The following UBAP2 variants were observed in gnomAD, a reference collection of about 807,000 sequenced individuals.
UBAP2 encodes ubiquitin associated protein 2.
In UBAP2, 75 loss-of-function variants were observed where a neutral mutation model predicts 139.6. That is an observed-to-expected ratio of 0.54 (90% confidence interval 0.45 to 0.65). The LOEUF is 0.65. UBAP2 is among the 30% of genes least tolerant of loss of function. The pLI is 0.00. For missense variants in UBAP2, 1,368 were observed against 1,369.6 expected, an observed-to-expected ratio of 1.00 and a Z score of 0.02; for synonymous variants, 526 against 526.2, an observed-to-expected ratio of 1.00 and a Z score of 0.01.
intron 22 of UBAP2, 151 bp from the exon 23 acceptor site, chr9:33,924,435 C>G (rs1274700432): frequency 1.3e-6 from 1 of 755,938 alleles, no homozygotes; most frequent in African/African-American, 1.7e-5. Flanking sequence ...GTAAATGGTG[C>G]CCCTCGGAAG....
At chr9:33,989,898 A>G (rs1377620015) in intron 4 of UBAP2, among the ~76,000 whole-genome samples, 24 of 152,222 alleles carry the variant, frequency 1.6e-4, no homozygotes, top group Admixed American at 1.6e-3. Context: ...TTAATGGCAG[A>G]TAAGTAAAAT....
chr9:33,945,543 C>T (rs1825596061), intron 13 of UBAP2, among the ~76,000 whole-genome samples: 1 of 152,014 alleles, frequency 6.6e-6, no homozygotes, highest in Non-Finnish European at 1.5e-5. Flanking sequence ...ATATGTATGA[C>T]GAATATTATG....
chr9:34,023,118 C>G (rs553974888), intron 1 of UBAP2, among the ~76,000 whole-genome samples: 3 of 150,850 alleles, frequency 2.0e-5, no homozygotes, highest in African/African-American at 7.3e-5. Flanking sequence ...CCCAGCTACT[C>G]GGGAGGCTGA....
intron 1 of UBAP2, among the ~76,000 whole-genome samples, chr9:34,036,576 T>A (rs895214555): frequency 6.6e-6 from 1 of 152,190 alleles, no homozygotes; most frequent in African/African-American, 2.4e-5. Context: ...ACTGTGTGTG[T>A]CTGCTCACCA....
In UBAP2 at chr9:33,943,604, C is replaced by T; in HGVS notation, c.1546-15G>A. 6.2e-7 allele frequency: 1 copy of T among 1,613,680 alleles called. No individual in the cohort carries two copies. The highest frequency in any genetic ancestry group is 8.5e-7 in the Non-Finnish European group (1 of 1,179,790). On this transcript the variant is annotated splice_polypyrimidine_tract_variant and intron_variant, in intron 14 of 28. Coordinates refer to ENST00000379238, the MANE Select transcript of UBAP2 (RefSeq NM_001370062.2). The stretch of plus-strand genomic sequence containing the variant: ...GAAGCTGGGATCTGAAAAAGCAAAG[C>T]TGTCGTGTCAGGAACAGAGGTCACA...
At chr9:33,984,705 G>T (rs1164496812) in intron 6 of UBAP2, among the ~76,000 whole-genome samples, 1 of 151,144 alleles carries the variant, frequency 6.6e-6, no homozygotes, top group African/African-American at 2.4e-5. Context: ...AGTAGACAAA[G>T]GATCTAAAAA....
At chr9:33,926,488 TAG>T in intron 22 of UBAP2, 127 bp downstream of exon 22, 1 of 980,464 alleles carries the variant, frequency 1.0e-6, no homozygotes, top group Non-Finnish European at 1.6e-6. Flanking sequence ...GCTTTCTCAG[TAG>T]TGGTGCTGAG....
Position 33,963,725 on chromosome 9 carries a change from C to T in UBAP2, c.745+1G>A. The T allele has an allele frequency of 2.5e-6, 4 of 1,595,886 alleles. No individual in the cohort carries two copies. Among genetic ancestry groups the T allele is most frequent in the Non-Finnish European group, 3.4e-6 (4 of 1,164,500 alleles). ...AAAATTAAAAAATTAAGTATTCATACCTTTGAGTCCATAAGAACTTTTGTT... is the reference window on the plus strand; with the variant it reads ...AAAATTAAAAAATTAAGTATTCATATCTTTGAGTCCATAAGAACTTTTGTT... On this transcript the variant is annotated splice_donor_variant, in intron 9 of 28. Transcript: ENST00000379238. LOFTEE classifies it high-confidence loss of function.
chr9:33,943,490 CAG>C lies in UBAP2; in HGVS notation c.1643_1644del (p.Ser548Ter), dbSNP rs1730454711. The part of the protein sequence containing the change: ...ALEFGSEPSL[S>X]EFGSAPSSEN... ...TCACTGCTTGGAGCTGATCCAAATT[CAG>C]AGAGAGAAGGTTCTGACCCAAATTC... On this transcript the variant is annotated frameshift_variant, in exon 15 of 29. Coordinates refer to ENST00000379238, the MANE Select transcript of UBAP2 (RefSeq NM_001370062.2). LOFTEE classifies it high-confidence loss of function. 6.2e-7 allele frequency: 1 copy of C among 1,614,044 alleles called. No homozygotes were observed. The highest frequency in any genetic ancestry group is 1.1e-5 in the South Asian group (1 of 91,084).
chr9:33,928,481 T>G (rs1300565706), intron 19 of UBAP2: 1 of 154,124 alleles, frequency 6.5e-6, no homozygotes, highest in African/African-American at 2.4e-5. Flanking sequence ...TCAGCCACTG[T>G]GGTCTGGAAA....
intron 11 of UBAP2, among the ~76,000 whole-genome samples, chr9:33,954,502 T>A (rs1826387110): frequency 6.6e-6 from 1 of 152,128 alleles, no homozygotes; most frequent in Non-Finnish European, 1.5e-5. Flanking sequence ...TGCACCGTAT[T>A]ACCTAACCTT....
At chr9:34,006,376 AG>A (rs1388389147) in intron 2 of UBAP2, among the ~76,000 whole-genome samples, 1 of 152,212 alleles carries the variant, frequency 6.6e-6, no homozygotes, top group African/African-American at 2.4e-5. Context: ...GCTTTGCGCA[AG>A]AAAAAATTAA....
intron 3 of UBAP2, 48 bp from the exon 4 acceptor site, chr9:33,996,381 CTTGATA>C: frequency 7.9e-7 from 1 of 1,259,122 alleles, no homozygotes; most frequent in Non-Finnish European, 1.2e-6. Context: ...AAAACTGGCA[CTTGATA>C]TTAAGATTCT....
At chr9:34,033,646 C>T (rs1036197021) in intron 1 of UBAP2, among the ~76,000 whole-genome samples, 19 of 151,944 alleles carry the variant, frequency 1.3e-4, no homozygotes, top group African/African-American at 4.1e-4. Context: ...GGTGCAATCT[C>T]GGTTCCCTGC....
chr9:34,014,350 G>C (rs1291152915), intron 2 of UBAP2, among the ~76,000 whole-genome samples: 1 of 76,458 alleles, frequency 1.3e-5, no homozygotes, highest in Non-Finnish European at 2.8e-5. Flanking sequence ...AAAAAAAAAG[G>C]TCAGGTGCGG....
upstream of UBAP2, chr9:34,049,097 G>A (rs534465317): frequency 6.6e-6 from 1 of 152,410 alleles, no homozygotes; most frequent in African/African-American, 2.4e-5. Context: ...ACAAATAAGG[G>A]AGACTTGATA....
chr9:33,973,433 T>C (rs1828059617), intron 6 of UBAP2, among the ~76,000 whole-genome samples, 196 bp from the exon 7 acceptor site: 2 of 152,194 alleles, frequency 1.3e-5, no homozygotes, highest in Non-Finnish European at 2.9e-5. Context: ...CTTCTAAGGC[T>C]AGAAAAGAAT....
chr9:33,958,898 C>A (rs1256237455), intron 10 of UBAP2, among the ~76,000 whole-genome samples: 1 of 151,804 alleles, frequency 6.6e-6, no homozygotes, highest in Non-Finnish European at 1.5e-5. Context: ...CCTGTAATCC[C>A]AGACCTTTGA....
In UBAP2 at chr9:33,924,229, C is replaced by G; in HGVS notation, c.2567G>C (p.Ser856Thr). 1 of 1,614,204 alleles carries G rather than the reference C, an allele frequency of 6.2e-7. No homozygotes were observed. The highest frequency in any genetic ancestry group is 1.1e-5 in the South Asian group (1 of 91,088). The change falls in exon 23 of 29, where the codon AGC becomes ACC. Residue 856 changes from serine to threonine, a missense_variant. Coordinates refer to ENST00000379238, the MANE Select transcript of UBAP2 (RefSeq NM_001370062.2). Reference sequence around the variant, plus strand: ...ACCTGGATATGGATTATTAGCTAGGCTCCCATCTCGGCTGGCAAGCGCTGT... The same window carrying G: ...ACCTGGATATGGATTATTAGCTAGGGTCCCATCTCGGCTGGCAAGCGCTGT... ...APTALASRDG[S>T]LANNPYPGDV...
Sources: allele counts gnomAD v4.1 joint callset (sites outside exome capture counted in the v4.1 genomes callset), GRCh38; gene constraint gnomAD v4.1.1; transcripts MANE v1.5; gene names NCBI Gene and HGNC (gene_info 2026-07-23, HGNC 2026-07-21).